OR4K1: variants seen among roughly 807,000 people sequenced by gnomAD.
OR4K1 encodes the protein olfactory receptor 4K1.
In OR4K1, 16 loss-of-function variants were observed where a neutral mutation model predicts 14.4. The ratio of observed to expected loss-of-function variants is 1.11; its 90% CI spans 0.75 to 1.68. The LOEUF (loss-of-function observed/expected upper bound fraction) is 1.68, where lower values mean the gene tolerates loss of function less well. OR4K1 is among the 40% of genes most tolerant of loss of function. The pLI is 0.00. For synonymous variants in OR4K1, 181 were observed against 133.1 expected (o/e 1.36, Z -2.48); for missense variants, 548 against 376.9 (o/e 1.45, Z -3.76).
chr14:19,922,588 TA>T, the OR4K1 span, among the ~76,000 whole-genome samples: 44 of 141,026 alleles, frequency 3.1e-4, no homozygotes, highest in Non-Finnish European at 5.5e-4. Context: ...AGGCCTATGG[TA>T]TTTTTTTTTT....
At chr14:19,926,044 A>T (rs1033780600), upstream of OR4K1, among the ~76,000 whole-genome samples, 1 of 152,270 alleles carries the variant, frequency 6.6e-6, no homozygotes, top group African/African-American at 2.4e-5. Flanking sequence ...ATTTCACCAT[A>T]GGTGTTTTAC....
At position 19,936,559 on chromosome 14, in the gene OR4K1, T is replaced by C. The variant is rs770915941; in HGVS notation, c.893T>C (p.Met298Thr). The C allele has an allele frequency of 2.1e-5, 33 of 1,609,080 alleles. No homozygotes were observed. The highest frequency in any genetic ancestry group is 1.9e-4 in the African/African-American group (14 of 74,656). ...SLRNEDVKAA[M>T]WKLRNRHVNS... ...AGGAATGAAGATGTTAAAGCAGCCA[T>C]GTGGAAGCTGAGAAACCGTCATGTG... The change falls in exon 2 of 2, where the codon ATG becomes ACG. Residue 298 changes from methionine to threonine, a missense_variant. Coordinates refer to ENST00000641172, the MANE Select transcript of OR4K1 (RefSeq NM_001004063.3).
chr14:19,935,744 C>G lies in OR4K1; in HGVS notation c.78C>G (p.Phe26Leu). The change falls in exon 2 of 2, where the codon TTC (phenylalanine) becomes TTG (leucine). Residue 26 changes from phenylalanine (F) to leucine (L), a missense_variant. Physicochemically the swap from Phe to Leu is conservative, Grantham distance 22. Coordinates refer to ENST00000641172, the MANE Select transcript of OR4K1 (RefSeq NM_001004063.3). ...GLSNSWGLQL[F>L]FFAIFSIVYV... ...CTAATTCCTGGGGACTTCAACTTTT[C>G]TTTTTTGCCATCTTCTCTATAGTCT... is the stretch of plus-strand genomic sequence containing the variant. 1 of 1,613,892 alleles carries G rather than the reference C, an allele frequency of 6.2e-7. No homozygotes were observed. The highest frequency in any genetic ancestry group is 8.5e-7 in the Non-Finnish European group (1 of 1,179,964).
intron 1 of OR4K1, among the ~76,000 whole-genome samples, chr14:19,932,909 C>T (rs1388716406): frequency 1.3e-5 from 2 of 151,340 alleles, no homozygotes; most frequent in Admixed American, 6.6e-5. Flanking sequence ...TTTGCACATA[C>T]ATCTATTATA....
At chr14:19,929,310 T>G (rs8010713), upstream of OR4K1, among the ~76,000 whole-genome samples, 4,608 of 148,790 alleles carry the variant, frequency 0.031, 93 homozygotes, top group African/African-American at 0.075. Flanking sequence ...TATATATAGA[T>G]ATATATAATT....
At chr14:19,935,471 T>C (rs997192938) in intron 1 of OR4K1, 177 bp from the exon 2 acceptor site, 1 of 526,820 alleles carries the variant, frequency 1.9e-6, no homozygotes, top group Non-Finnish European at 3.2e-6. Context: ...CTTTCAACTT[T>C]CATAGCAGTC....
the OR4K1 span, among the ~76,000 whole-genome samples, chr14:19,922,970 T>C: frequency 0.23 from 34,231 of 149,020 alleles, 2,401 homozygotes; most frequent in African/African-American, 0.34. Flanking sequence ...ATGTGTCTGA[T>C]TTAAGAAATC....
chr14:19,935,874 G>T lies in OR4K1; in HGVS notation c.208G>T (p.Asp70Tyr). The T allele has an allele frequency of 6.2e-7, 1 of 1,614,170 alleles. No individual in the cohort carries two copies. Among genetic ancestry groups the T allele is most frequent in the Admixed American group, 1.7e-5 (1 of 60,028 alleles). The change falls in exon 2 of 2, where the codon GAT becomes TAT. Residue 70 changes from aspartate (D) to tyrosine (Y), a missense_variant. By Grantham distance (160) the Asp-to-Tyr change is radical. Transcript: ENST00000641172. Reference protein sequence around the residue: ...YFLLSNLSFIDICQSNFATPK... With the variant: ...YFLLSNLSFIYICQSNFATPK... ...CTTGCTCAGTAATCTTTCTTTCATTGATATCTGTCAGTCTAACTTTGCCAC... is the reference window on the plus strand; with the variant it reads ...CTTGCTCAGTAATCTTTCTTTCATTTATATCTGTCAGTCTAACTTTGCCAC...
chr14:19,927,609 G>A (rs1457569569), upstream of OR4K1, among the ~76,000 whole-genome samples: 1 of 152,212 alleles, frequency 6.6e-6, no homozygotes, highest in Non-Finnish European at 1.5e-5. Flanking sequence ...TCATACCACT[G>A]CTACAGCTCC....
the OR4K1 span, chr14:19,920,602 G>C: frequency 1.3e-6 from 2 of 1,594,570 alleles, no homozygotes; most frequent in Non-Finnish European, 1.7e-6. Context: ...TTGCAGCTTG[G>C]AACCATGGAT....
In OR4K1 at chr14:19,935,899, C is replaced by A; in HGVS notation, c.233C>A (p.Thr78Asn). The stretch of plus-strand genomic sequence containing the variant: ...GATATCTGTCAGTCTAACTTTGCCA[C>A]CCCCAAGATGCTTGTAGACTTTTTT... ...FIDICQSNFA[T>N]PKMLVDFFIE... The change falls in exon 2 of 2, where the codon ACC becomes AAC. Residue 78 changes from threonine (T) to asparagine (N), a missense_variant. Physicochemically the swap from Thr to Asn is moderately conservative, Grantham distance 65 (BLOSUM62 0). Transcript: ENST00000641172. 3 of 1,614,246 alleles carry A rather than the reference C, an allele frequency of 1.9e-6. No individual in the cohort carries two copies. The highest frequency in any genetic ancestry group is 1.6e-4 in the Middle Eastern group (1 of 6,062).
rs542472329 is a variant in OR4K1, at chr14:19,933,533, T to C, written c.-19-2115T>C. ...GGAAATGAGATCCCATCATGGAAAC[T>C]TGTAGTTAGGTCAGTTCATGCCTCG... On this transcript the variant is annotated intron_variant, in intron 1 of 1. Transcript: ENST00000641172. Among the ~76,000 whole-genome samples the C allele has an allele frequency of 3.9e-5, 6 of 152,344 alleles. No individual in the cohort carries two copies. The South Asian group carries it at 1.2e-3, about 32-fold the overall frequency.
the OR4K1 span, among the ~76,000 whole-genome samples, chr14:19,925,084 G>C: frequency 6.6e-6 from 1 of 152,052 alleles, no homozygotes; most frequent in Non-Finnish European, 1.5e-5. Context: ...CTGGTTTACA[G>C]ATCCTATAGA....
chr14:19,928,444 A>G (rs546893940), upstream of OR4K1, among the ~76,000 whole-genome samples: 2 of 152,148 alleles, frequency 1.3e-5, no homozygotes, highest in Non-Finnish European at 2.9e-5. Flanking sequence ...AATTATGTTT[A>G]TCTTTCTCCA....
intron 1 of OR4K1, among the ~76,000 whole-genome samples, chr14:19,934,816 G>A (rs1882267724): frequency 1.3e-5 from 2 of 152,202 alleles, no homozygotes; most frequent in South Asian, 2.1e-4. Context: ...GAATACAGGT[G>A]CCCACCACCA....
Position 19,936,396 on chromosome 14 carries a change from A to G in OR4K1, c.730A>G (p.Ile244Val). The change falls in exon 2 of 2, where the codon ATC becomes GTC. Residue 244 changes from isoleucine to valine, a missense_variant. By Grantham distance (29) the Ile-to-Val change is conservative. Coordinates refer to ENST00000641172, the MANE Select transcript of OR4K1 (RefSeq NM_001004063.3). ...SKALSTLTAH[I>V]TVVILFFGPC... ...GGCTCTTTCTACATTAACTGCCCAC[A>G]TCACAGTGGTCATTCTTTTCTTCGG... 6.2e-7 allele frequency: 1 copy of G among 1,614,232 alleles called. No individual in the cohort carries two copies. The highest frequency in any genetic ancestry group is 8.5e-7 in the Non-Finnish European group (1 of 1,180,028).
At chr14:19,935,002 G>C (rs1040559008) in intron 1 of OR4K1, among the ~76,000 whole-genome samples, 3 of 152,170 alleles carry the variant, frequency 2.0e-5, no homozygotes, top group Non-Finnish European at 4.4e-5. Flanking sequence ...ATACTTCCAA[G>C]AACATTATGA....
intron 1 of OR4K1, among the ~76,000 whole-genome samples, chr14:19,934,621 C>T (rs1451800567): frequency 3.9e-5 from 6 of 152,156 alleles, no homozygotes; most frequent in African/African-American, 1.4e-4. Context: ...GCTCTTCCTT[C>T]TCTATTATAG....
At chr14:19,935,586 TTATAAAC>T in intron 1 of OR4K1, 55 bp from the exon 2 acceptor site, 1 of 1,207,952 alleles carries the variant, frequency 8.3e-7, no homozygotes, top group Non-Finnish European at 1.2e-6. Flanking sequence ...TTTCTTTTGT[TTATAAAC>T]TAGAGGTATT....
Sources: gnomAD v4.1 joint callset for allele counts (sites outside exome capture counted in the v4.1 genomes callset) on GRCh38, gnomAD v4.1.1 for gene constraint, MANE v1.5 for transcripts, NCBI Gene and HGNC (gene_info 2026-07-23, HGNC 2026-07-21) for gene names.